Variants in TAF1 observed in about 807,000 individuals in gnomAD.
The protein encoded by TAF1 is TATA-box binding protein associated factor 1, also known as transcription initiation factor TFIID subunit 1.
In TAF1, 2 loss-of-function variants were observed where a neutral mutation model predicts 138.5. The ratio of observed to expected loss-of-function variants is 0.01; its 90% CI spans 0.01 to 0.05. The LOEUF is 0.05. Ranked by LOEUF, TAF1 falls within the 10% of genes least tolerant of loss-of-function variation. The pLI is 1.00. For missense variants in TAF1, 709 were observed against 1,478.0 expected (o/e 0.48, Z 8.53); for synonymous variants, 437 against 503.2 (o/e 0.87, Z 1.76).
At position 71,382,468 on chromosome X, in the gene TAF1, G is replaced by C. The variant is rs1165953573; in HGVS notation, c.1538-68G>C. Reference sequence around the variant, plus strand: ...TCCGTCACCTTAAAGAAGAAAACTGGATACTTGTCTGTAGGAAAGGTGAAT... The same window carrying C: ...TCCGTCACCTTAAAGAAGAAAACTGCATACTTGTCTGTAGGAAAGGTGAAT... On this transcript the variant is annotated intron_variant, in intron 9 of 37. Transcript: ENST00000423759. 6 of 1,162,209 alleles carry C rather than the reference G, an allele frequency of 5.2e-6. No homozygotes were observed. The Admixed American group carries it at 8.1e-5, about 16-fold the overall frequency.
intron 32 of TAF1, among the ~76,000 whole-genome samples, chrX:71,440,237 T>A (rs1182315088): frequency 8.9e-6 from 1 of 111,962 alleles, no homozygotes; most frequent in Non-Finnish European, 1.9e-5. Context: ...CAAAGCATAA[T>A]TCCCTTGAGG....
intron 32 of TAF1, among the ~76,000 whole-genome samples, chrX:71,430,103 G>A (rs763046092): frequency 2.7e-5 from 3 of 111,563 alleles, no homozygotes; most frequent in Admixed American, 9.5e-5. Flanking sequence ...CATCTAGGCC[G>A]GGCACGGTGG....
At chrX:71,511,060 G>A (rs2039722411) in intron 13 of TAF1, among the ~76,000 whole-genome samples, 1 of 110,419 alleles carries the variant, frequency 9.1e-6, no homozygotes, top group Admixed American at 9.7e-5. Context: ...CCAAGATCGC[G>A]CCATTGCACT....
intron 4 of TAF1, among the ~76,000 whole-genome samples, chrX:71,376,666 CAA>C (rs112839503): frequency 1.4e-4 from 11 of 77,242 alleles, no homozygotes; most frequent in African/African-American, 4.5e-4. Context: ...GACTCTGTCT[CAA>C]AAAAAAAAAA....
intron 32 of TAF1, among the ~76,000 whole-genome samples, chrX:71,444,590 G>T (rs1372235176): frequency 9.0e-6 from 1 of 110,593 alleles, no homozygotes; most frequent in Non-Finnish European, 1.9e-5. Context: ...GGGTGTGCAT[G>T]CCCGTAGTCC....
At chrX:71,482,626 A>G (rs2039091308) in intron 13 of TAF1, among the ~76,000 whole-genome samples, 1 of 112,586 alleles carries the variant, frequency 8.9e-6, no homozygotes, top group South Asian at 3.7e-4. Context: ...CTGAGCCTTC[A>G]GTGAGTGGTA....
chrX:71,463,406 G>A (rs2038633309), intron 37 of TAF1, among the ~76,000 whole-genome samples: 1 of 110,989 alleles, frequency 9.0e-6, no homozygotes, highest in African/African-American at 3.3e-5. Context: ...TATTTCAGTA[G>A]TGCAGGCCAG....
chrX:71,508,086 C>CTATATATATA (rs1556033075), intron 13 of TAF1, among the ~76,000 whole-genome samples: 10 of 92,195 alleles, frequency 1.1e-4, no homozygotes, highest in African/African-American at 1.7e-4. Flanking sequence ...CTCTCTCTCT[C>CTATATATATA]TATATATATA....
chrX:71,463,619 C>T (rs1269348010), intron 37 of TAF1, among the ~76,000 whole-genome samples: 1 of 111,798 alleles, frequency 8.9e-6, no homozygotes, highest in Non-Finnish European at 1.9e-5. Context: ...TTCTTCCATT[C>T]AGGTTCTTGT....
intron 14 of TAF1, chrX:71,387,031 A>C: frequency 2.5e-6 from 1 of 399,892 alleles, no homozygotes; most frequent in Non-Finnish European, 4.3e-6. Flanking sequence ...AGCTAGCATC[A>C]TCTGAATTCA....
rs756428718 is a variant in TAF1 at position 71,368,180 on chromosome X, T to C, written c.352+10T>C. 31 of 1,204,109 alleles carry C rather than the reference T, an allele frequency of 2.6e-5. No homozygotes were observed. Among genetic ancestry groups the C allele is most frequent in the Non-Finnish European group, 3.5e-5 (31 of 890,325 alleles). ...CCCCTTTGCCACTCAGGTGATTCTTTGGTGTATTGGCTTGAACATTCCAGT... is the reference window on the plus strand; with the variant it reads ...CCCCTTTGCCACTCAGGTGATTCTTCGGTGTATTGGCTTGAACATTCCAGT... On this transcript the variant is annotated intron_variant, in intron 3 of 37. Transcript: ENST00000423759.
intron 13 of TAF1, among the ~76,000 whole-genome samples, chrX:71,513,506 G>C (rs1435870133): frequency 9.0e-6 from 1 of 111,434 alleles, no homozygotes; most frequent in East Asian, 2.8e-4. Context: ...TTAGAGGTCT[G>C]TGGGGCTGGT....
downstream of TAF1, among the ~76,000 whole-genome samples, chrX:71,468,767 C>T (rs1474543405): frequency 2.8e-5 from 3 of 107,902 alleles, no homozygotes; most frequent in Admixed American, 1.0e-4. Context: ...CCAAGGTGGG[C>T]AGGTCATTTG....
At position 71,388,396 on chromosome X, in the gene TAF1, GTTAT is replaced by G; in HGVS notation, c.2569+21_2569+24del. The G allele has an allele frequency of 8.4e-7, 1 of 1,190,795 alleles. No individual in the cohort carries two copies. Among genetic ancestry groups the G allele is most frequent in the Non-Finnish European group, 1.1e-6 (1 of 887,883 alleles). ...ACGCACAGGTCGTCTGTTGTGACTA[GTTAT>G]TTGTCTGCCTTTTTCCAAGAAAAGA... On this transcript the variant is annotated intron_variant, in intron 16 of 37. Coordinates refer to ENST00000423759, the MANE Select transcript of TAF1 (RefSeq NM_004606.5).
chrX:71,459,470 A>AGGGGGGGGGGGGGGGGGGGG, intron 35 of TAF1, 82 bp from the exon 36 acceptor site: 2 of 549,431 alleles, frequency 3.6e-6, no homozygotes, highest in Non-Finnish European at 5.3e-6. Flanking sequence ...CGGGGCGGGG[A>AGGGGGGGGGGGGGGGGGGGG]GGGGGGGTGT....
intron 28 of TAF1, among the ~76,000 whole-genome samples, chrX:71,410,406 AAAAAT>A (rs2035711220): frequency 1.8e-5 from 2 of 109,571 alleles, no homozygotes; most frequent in Admixed American, 9.8e-5. Flanking sequence ...TACTAAAAAA[AAAAAT>A]AAAAGAGGAA....
intron 13 of TAF1, chrX:71,490,996 C>G (rs1429823445): frequency 9.6e-6 from 1 of 104,045 alleles, no homozygotes; most frequent in Non-Finnish European, 1.9e-5. Flanking sequence ...GGATTATAGG[C>G]GTGAGCCACC....
At chrX:71,520,420 C>T (rs1383266466) in intron 13 of TAF1, among the ~76,000 whole-genome samples, 1 of 110,268 alleles carries the variant, frequency 9.1e-6, no homozygotes, top group East Asian at 2.9e-4. Flanking sequence ...CGGTGGCTCA[C>T]GCCTGTAATA....
intron 32 of TAF1, among the ~76,000 whole-genome samples, chrX:71,432,999 A>G (rs945777315): frequency 7.1e-5 from 8 of 112,164 alleles, no homozygotes; most frequent in Non-Finnish European, 1.1e-4. Flanking sequence ...CTAGTTTTTA[A>G]AACATGGGGC....
Sources: allele counts gnomAD v4.1 joint callset (sites outside exome capture counted in the v4.1 genomes callset), GRCh38; gene constraint gnomAD v4.1.1; transcripts MANE v1.5; gene names NCBI Gene and HGNC (gene_info 2026-07-23, HGNC 2026-07-21).